The following EYS variants were observed in gnomAD, a reference collection of about 807,000 sequenced individuals.
EYS encodes protein eyes shut homolog.
Under a neutral mutation model 282.1 loss-of-function variants are expected in EYS, and 250 were observed. The observed-to-expected ratio is 0.89, with a 90% CI of 0.80 to 0.98. The LOEUF (loss-of-function observed/expected upper bound fraction) is 0.98, where lower values mean the gene tolerates loss of function less well. Ranked by LOEUF, EYS falls within the 50% of genes least tolerant of loss-of-function variation. EYS has a pLI of 0.00. For synonymous variants in EYS, 1,355 were observed against 1,282.9 expected (o/e 1.06, Z -1.20); for missense variants, 4,016 against 3,709.0 (o/e 1.08, Z -2.15).
In EYS at chr6:65,287,150, G is replaced by A. The variant is rs1260269173; in HGVS notation, c.2023+8713C>T. Among the ~76,000 whole-genome samples, 5 of 151,444 alleles carry A rather than the reference G, an allele frequency of 3.3e-5. No individual in the cohort carries two copies. In the East Asian group the frequency reaches 7.8e-4, roughly 23 times the overall value. ...TAATGGGAAAATTGAAAAAAAATAA[G>A]ATATTTCATATTTAGATGAAACAGA... On this transcript the variant is annotated intron_variant, in intron 12 of 42. Transcript: ENST00000503581.
chr6:64,813,792 C>T (rs1000708968), intron 21 of EYS, among the ~76,000 whole-genome samples: 1 of 151,776 alleles, frequency 6.6e-6, no homozygotes, highest in Non-Finnish European at 1.5e-5. Context: ...TGCTGATTTA[C>T]CAAGAAATAA....
intron 12 of EYS, among the ~76,000 whole-genome samples, chr6:65,115,966 A>ATCT (rs1554154790): frequency 5.7e-4 from 83 of 144,952 alleles, no homozygotes; most frequent in African/African-American, 1.7e-3. Context: ...CTGTCTATCT[A>ATCT]ATCTATCTAT....
At chr6:65,587,024 T>G (rs985410669) in intron 2 of EYS, among the ~76,000 whole-genome samples, 1 of 152,072 alleles carries the variant, frequency 6.6e-6, no homozygotes, top group Non-Finnish European at 1.5e-5. Context: ...AAAATCTGAG[T>G]GTTCAAATAT....
Position 64,718,510 on chromosome 6 carries a change from A to T in EYS, c.3444-92265T>A, listed in dbSNP as rs185535776. Reference sequence around the variant, plus strand: ...TATGCAATGCACTTTTGACCTTATCAGTTTATCATTTTTTCAAATGTGTCC... The same window carrying T: ...TATGCAATGCACTTTTGACCTTATCTGTTTATCATTTTTTCAAATGTGTCC... On this transcript the variant is annotated intron_variant, in intron 22 of 42. Coordinates refer to ENST00000503581, the MANE Select transcript of EYS (RefSeq NM_001142800.2). 1.3e-3 allele frequency among the ~76,000 whole-genome samples: 195 copies of T among 152,186 alleles called. 1 individual carries two copies. Among genetic ancestry groups the T allele is most frequent in the African/African-American group, 4.6e-3 (189 of 41,516 alleles).
Position 65,521,103 on chromosome 6 carries a change from G to GA in EYS, c.-332-25111dup, listed in dbSNP as rs1767350845. Reference sequence around the variant, plus strand: ...ATGGATGCATTTGCTGCAATTAAGAGAAAAATATAGTTTGTTCAGGCTTAT... The same window carrying GA: ...ATGGATGCATTTGCTGCAATTAAGAGAAAAAATATAGTTTGTTCAGGCTTAT... On this transcript the variant is annotated intron_variant, in intron 2 of 42. Transcript: ENST00000503581. Among the ~76,000 whole-genome samples the GA allele has an allele frequency of 2.6e-5, 4 of 152,232 alleles. No homozygotes were observed. The South Asian group carries it at 8.3e-4, about 32-fold the overall frequency.
intron 31 of EYS, among the ~76,000 whole-genome samples, chr6:64,192,473 C>A (rs867582955): frequency 6.6e-6 from 1 of 152,036 alleles, no homozygotes; most frequent in East Asian, 1.9e-4. Flanking sequence ...GTACTGGTAT[C>A]AAAACAGAGA....
At chr6:64,688,141 G>A (rs898606618) in intron 22 of EYS, among the ~76,000 whole-genome samples, 24 of 151,834 alleles carry the variant, frequency 1.6e-4, no homozygotes, top group Non-Finnish European at 2.9e-4. Flanking sequence ...CTTGCTAGCG[G>A]TCAATCAATC....
intron 30 of EYS, among the ~76,000 whole-genome samples, chr6:64,284,488 G>A (rs898598922): frequency 6.6e-6 from 1 of 151,884 alleles, no homozygotes; most frequent in African/African-American, 2.4e-5. Flanking sequence ...GTGGCTGTAA[G>A]CTGTGGTAGG....
rs140700450 is a variant in EYS, at chr6:63,994,672, C to A, written c.6834+4403G>T. Among the ~76,000 whole-genome samples the A allele has an allele frequency of 1.5e-3, 221 of 151,920 alleles. 1 individual carries two copies. The highest frequency in any genetic ancestry group is 5.1e-3 in the African/African-American group (211 of 41,484). On this transcript the variant is annotated intron_variant, in intron 34 of 42. Coordinates refer to ENST00000503581, the MANE Select transcript of EYS (RefSeq NM_001142800.2). ...AGGAAACTATTTTCAAGAAGGTAAC[C>A]CCTACTCATCATCAAGAATCAATTT...
rs185940064 is a variant in EYS at position 65,103,815 on chromosome 6, C to T, written c.2024-46088G>A. 6.8e-4 allele frequency among the ~76,000 whole-genome samples: 103 copies of T among 151,474 alleles called. 1 individual carries two copies. The highest frequency in any genetic ancestry group is 3.4e-3 in the Middle Eastern group (1 of 294). On this transcript the variant is annotated intron_variant, in intron 12 of 42. Coordinates refer to ENST00000503581, the MANE Select transcript of EYS (RefSeq NM_001142800.2). ...TTCCTACTATGCTACTATGCTATAG[C>T]ATTAATAGTCACCCCCAGAATCAAA...
chr6:65,690,027 G>A (rs1259537879), intron 1 of EYS, among the ~76,000 whole-genome samples: 2 of 149,930 alleles, frequency 1.3e-5, no homozygotes, highest in Non-Finnish European at 3.0e-5. Context: ...GAGGGATTTA[G>A]GGTCATTTCA....
intron 22 of EYS, among the ~76,000 whole-genome samples, chr6:64,802,273 TA>T (rs960643491): frequency 6.6e-6 from 1 of 151,850 alleles, no homozygotes; most frequent in African/African-American, 2.4e-5. Flanking sequence ...GGATGGTCTC[TA>T]ACTCCTGACC....
chr6:65,254,289 T>C (rs753566892), intron 12 of EYS, among the ~76,000 whole-genome samples: 20 of 151,798 alleles, frequency 1.3e-4, no homozygotes, highest in Non-Finnish European at 2.5e-4. Context: ...TGAGATATTT[T>C]GGGGGATAAA....
intron 39 of EYS, among the ~76,000 whole-genome samples, chr6:63,781,524 G>T (rs1037646968): frequency 1.3e-5 from 2 of 152,002 alleles, no homozygotes; most frequent in Non-Finnish European, 2.9e-5. Flanking sequence ...GTGAATGGGA[G>T]TTCACTCATG....
chr6:64,145,793 T>C (rs181689410), intron 31 of EYS, among the ~76,000 whole-genome samples: 9 of 152,280 alleles, frequency 5.9e-5, no homozygotes, highest in African/African-American at 1.7e-4. Context: ...TCTGCTCCTC[T>C]TTATTCCTCT....
At position 65,446,147 on chromosome 6, in the gene EYS, T is replaced by C. The variant is rs569698368; in HGVS notation, c.863-40780A>G. On this transcript the variant is annotated intron_variant, in intron 5 of 42. Transcript: ENST00000503581. ...TTGTTTTATCATATATGTAGCAAAT[T>C]TATAGTTTATCATTTGTCCAAAGGG... 4.0e-5 allele frequency among the ~76,000 whole-genome samples: 6 copies of C among 151,832 alleles called. No homozygotes were observed. The South Asian group carries it at 8.3e-4, about 21-fold the overall frequency.
intron 41 of EYS, among the ~76,000 whole-genome samples, chr6:63,753,422 G>A (rs1002868022): frequency 6.6e-6 from 1 of 151,922 alleles, no homozygotes; most frequent in Non-Finnish European, 1.5e-5. Context: ...ATATGTTTTA[G>A]CTCAGTAAAC....
chr6:64,609,140 G>A (rs73437303), intron 24 of EYS, among the ~76,000 whole-genome samples: 30 of 152,258 alleles, frequency 2.0e-4, no homozygotes, highest in Non-Finnish European at 3.8e-4. Flanking sequence ...GCCTGTGCAT[G>A]TGTGTAGGGA....
At chr6:65,108,123 CTG>C (rs1268814146) in intron 12 of EYS, among the ~76,000 whole-genome samples, 2 of 152,034 alleles carry the variant, frequency 1.3e-5, no homozygotes, top group Non-Finnish European at 2.9e-5. Flanking sequence ...ATATGTATGA[CTG>C]TTGACCTGGC....
Sources: allele counts gnomAD v4.1 joint callset (sites outside exome capture counted in the v4.1 genomes callset), GRCh38; gene constraint gnomAD v4.1.1; transcripts MANE v1.5; gene names NCBI Gene and HGNC (gene_info 2026-07-23, HGNC 2026-07-21).